SEZ6L: variants seen among roughly 807,000 people sequenced by gnomAD.
SEZ6L encodes seizure 6-like protein.
A neutral mutation model predicts 106.2 loss-of-function variants in SEZ6L; 37 were observed. The ratio of observed to expected loss-of-function variants is 0.35; its 90% CI spans 0.27 to 0.46. The LOEUF (loss-of-function observed/expected upper bound fraction) is 0.46. Among genes scored for constraint, SEZ6L ranks in the 20% least tolerant of loss-of-function variants. The pLI is 1.00. For missense variants in SEZ6L, 1,172 were observed against 1,332.8 expected, an observed-to-expected ratio of 0.88 and a Z score of 1.88; for synonymous variants, 541 against 570.4, an observed-to-expected ratio of 0.95 and a Z score of 0.73.
intron 5 of SEZ6L, among the ~76,000 whole-genome samples, chr22:26,300,867 C>T (rs996439038): frequency 5.9e-5 from 9 of 152,240 alleles, no homozygotes; most frequent in African/African-American, 1.4e-4. Context: ...GATCACTAGA[C>T]CCTTATCAGA....
chr22:26,216,485 G>A lies in SEZ6L; in HGVS notation c.94+46722G>A, dbSNP rs1399676849. Among the ~76,000 whole-genome samples the A allele has an allele frequency of 4.6e-5, 7 of 152,058 alleles. 1 individual carries two copies. Among genetic ancestry groups the A allele is most frequent in the Admixed American group, 4.6e-4 (7 of 15,266 alleles). ...AGCCTGGCCAACATGGTAAAACTCT[G>A]TCTCCACTAAAAGTACAGTAATTAG... On this transcript the variant is annotated intron_variant, in intron 1 of 16. Transcript: ENST00000248933.
intron 1 of SEZ6L, among the ~76,000 whole-genome samples, chr22:26,249,301 C>T (rs2079483761): frequency 6.6e-6 from 1 of 152,150 alleles, no homozygotes; most frequent in Admixed American, 6.5e-5. Context: ...TATCCACTAA[C>T]CAACCTCTCC....
intron 1 of SEZ6L, among the ~76,000 whole-genome samples, chr22:26,174,181 G>A (rs990668981): frequency 6.6e-5 from 10 of 152,132 alleles, no homozygotes; most frequent in Non-Finnish European, 1.0e-4. Context: ...ACCTCACGTG[G>A]ATGTGTTTAA....
intron 9 of SEZ6L, among the ~76,000 whole-genome samples, chr22:26,324,952 T>C (rs892576499): frequency 1.5e-4 from 23 of 152,312 alleles, no homozygotes; most frequent in African/African-American, 5.1e-4. Context: ...TTAGCTGGGC[T>C]CGCAGGTGGG....
At chr22:26,236,053 C>T (rs780218640) in intron 1 of SEZ6L, among the ~76,000 whole-genome samples, 3 of 152,316 alleles carry the variant, frequency 2.0e-5, no homozygotes, top group Non-Finnish European at 2.9e-5. Flanking sequence ...CCCCCTGTCT[C>T]GGGCAACTTG....
At chr22:26,262,265 T>TATCTATCTATC (rs1394600609) in intron 1 of SEZ6L, among the ~76,000 whole-genome samples, 3 of 151,498 alleles carry the variant, frequency 2.0e-5, no homozygotes, top group Non-Finnish European at 4.4e-5. Context: ...TCTATCTATC[T>TATCTATCTATC]ATCTATCTAT....
intron 1 of SEZ6L, among the ~76,000 whole-genome samples, chr22:26,207,910 A>ATTTTT (rs134772): frequency 1.4e-5 from 2 of 138,498 alleles, no homozygotes; most frequent in African/African-American, 2.7e-5. Context: ...ATTCATGTGT[A>ATTTTT]TTTTTTTTTT....
intron 14 of SEZ6L, among the ~76,000 whole-genome samples, chr22:26,374,926 G>T (rs1047042730): frequency 1.2e-4 from 19 of 152,146 alleles, no homozygotes; most frequent in African/African-American, 4.6e-4. Flanking sequence ...TTCATATTTG[G>T]GGTGTCATTG....
chr22:26,257,934 A>G (rs376905281), intron 1 of SEZ6L, among the ~76,000 whole-genome samples: 1 of 152,210 alleles, frequency 6.6e-6, no homozygotes, highest in East Asian at 1.9e-4. Flanking sequence ...ATGAAAGATT[A>G]GCTTTAATTC....
At chr22:26,250,070 C>T (rs1388838439) in intron 1 of SEZ6L, among the ~76,000 whole-genome samples, 1 of 152,078 alleles carries the variant, frequency 6.6e-6, no homozygotes, top group African/African-American at 2.4e-5. Flanking sequence ...ATATTAATCC[C>T]TTGTTGAATG....
At chr22:26,324,064 C>CCACACACACACACACACACACA (rs71311560) in intron 9 of SEZ6L, among the ~76,000 whole-genome samples, 6 of 140,166 alleles carry the variant, frequency 4.3e-5, no homozygotes, top group Admixed American at 7.2e-5. Flanking sequence ...CAGTTTTTAA[C>CCACACACACACACACACACACA]CACACACACA....
intron 11 of SEZ6L, 82 bp downstream of exon 11, chr22:26,347,995 A>T (rs2083066997): frequency 8.6e-7 from 1 of 1,165,324 alleles, no homozygotes; most frequent in Non-Finnish European, 1.2e-6. Context: ...GGTGCAGTGG[A>T]GCTGTTTAAT....
intron 3 of SEZ6L, among the ~76,000 whole-genome samples, chr22:26,296,497 G>A (rs1354826491): frequency 2.0e-5 from 3 of 152,088 alleles, no homozygotes; most frequent in Non-Finnish European, 2.9e-5. Flanking sequence ...TGCTTCTCCC[G>A]GCTCCCTGGA....
chr22:26,238,892 C>G lies in SEZ6L; in HGVS notation c.95-53514C>G, dbSNP rs372071819. 5.6e-4 allele frequency among the ~76,000 whole-genome samples: 86 copies of G among 152,276 alleles called. 1 individual carries two copies. The South Asian group carries it at 0.017, about 29-fold the overall frequency. On this transcript the variant is annotated intron_variant, in intron 1 of 16. Transcript: ENST00000248933. ...TAACTAGAACAACATGTTGTAACTG[C>G]TGGGTTGAAGCTGCAGAAAGTCCAG...
chr22:26,355,097 C>A (rs1056362147), intron 12 of SEZ6L, among the ~76,000 whole-genome samples: 1 of 152,210 alleles, frequency 6.6e-6, no homozygotes, highest in African/African-American at 2.4e-5. Context: ...AGCTTTGAAA[C>A]GTTTTGTCGA....
chr22:26,328,798 G>A (rs1405611989), intron 9 of SEZ6L, among the ~76,000 whole-genome samples: 1 of 152,134 alleles, frequency 6.6e-6, no homozygotes, highest in African/African-American at 2.4e-5. Flanking sequence ...TGGAGAAAAG[G>A]AAGAAAAGAA....
At chr22:26,257,979 C>T (rs562517065) in intron 1 of SEZ6L, among the ~76,000 whole-genome samples, 1 of 152,256 alleles carries the variant, frequency 6.6e-6, no homozygotes, top group South Asian at 2.1e-4. Flanking sequence ...CAACTCTGGC[C>T]CGCTTTATCT....
intron 1 of SEZ6L, among the ~76,000 whole-genome samples, chr22:26,283,153 C>A (rs992926571): frequency 6.6e-6 from 1 of 152,106 alleles, no homozygotes; most frequent in Admixed American, 6.6e-5. Flanking sequence ...AACTCCTGAC[C>A]TCATGATCTA....
At position 26,381,819 on chromosome 22, in the gene SEZ6L, A is replaced by G; in HGVS notation, c.*1524A>G. The stretch of plus-strand genomic sequence containing the variant: ...TGGTGACAGTCAATGGCTTGGACAG[A>G]CAGACGGGCACAGTGGCATTTGGAA... On this transcript the variant is annotated 3_prime_UTR_variant, in exon 17 of 17. Transcript: ENST00000248933. The G allele has an allele frequency of 3.0e-6, 1 of 331,398 alleles. No homozygotes were observed. The highest frequency in any genetic ancestry group is 2.5e-5 in the South Asian group (1 of 40,094). 20.5% of individuals were successfully genotyped at this position (331,398 alleles called of 1,614,324 possible).
Sources: gnomAD v4.1 joint callset for allele counts (sites outside exome capture counted in the v4.1 genomes callset) on GRCh38, gnomAD v4.1.1 for gene constraint, MANE v1.5 for transcripts, NCBI Gene and HGNC (gene_info 2026-07-23, HGNC 2026-07-21) for gene names.